Variants in TENT2 observed in about 807,000 individuals in gnomAD.
The protein encoded by TENT2 is terminal nucleotidyltransferase 2.
A neutral mutation model predicts 72.2 loss-of-function variants in TENT2; 44 were observed. That is an observed-to-expected ratio of 0.61 (90% CI 0.48 to 0.78). TENT2 has a LOEUF of 0.78. Among genes scored for constraint, TENT2 ranks in the 30% least tolerant of loss-of-function variants. The pLI is 0.00. For missense variants in TENT2, 541 were observed against 569.6 expected, an observed-to-expected ratio of 0.95 and a Z score of 0.51; for synonymous variants, 212 against 192.5, an observed-to-expected ratio of 1.10 and a Z score of -0.84.
chr5:79,639,901 A>C (rs1033147367), intron 4 of TENT2, among the ~76,000 whole-genome samples: 1 of 152,212 alleles, frequency 6.6e-6, no homozygotes, highest in African/African-American at 2.4e-5. Flanking sequence ...AGATAGGGAA[A>C]TCACCTATGT....
At chr5:79,661,571 T>G (rs1023412251) in intron 11 of TENT2, among the ~76,000 whole-genome samples, 1 of 152,220 alleles carries the variant, frequency 6.6e-6, no homozygotes, top group African/African-American at 2.4e-5. Flanking sequence ...AAGTTACACT[T>G]ACACTATCAT....
intron 12 of TENT2, among the ~76,000 whole-genome samples, chr5:79,673,279 T>C (rs920687527): frequency 6.6e-6 from 1 of 152,228 alleles, no homozygotes; most frequent in African/African-American, 2.4e-5. Flanking sequence ...TCCTTTGCTA[T>C]GCAGAAGCTT....
At chr5:79,656,906 T>G in intron 10 of TENT2, 52 bp from the exon 11 acceptor site, 1 of 1,403,986 alleles carries the variant, frequency 7.1e-7, no homozygotes, top group Non-Finnish European at 9.9e-7. Flanking sequence ...ATTATTGCAT[T>G]GTAAAATGAG....
rs1801585229 is a variant in TENT2 at position 79,660,071 on chromosome 5, T to C, written c.1071+3070T>C. 7.9e-5 allele frequency among the ~76,000 whole-genome samples: 12 copies of C among 152,266 alleles called. No individual in the cohort carries two copies. The South Asian group carries it at 2.5e-3, about 32-fold the overall frequency. On this transcript the variant is annotated intron_variant, in intron 11 of 14. Coordinates refer to ENST00000453514, the MANE Select transcript of TENT2 (RefSeq NM_001114394.3). ...AAGAGAAAACAGTTTTGGAATGGAA[T>C]AAATTTGTTCAGTATACTATGCTTT...
intron 11 of TENT2, among the ~76,000 whole-genome samples, chr5:79,667,098 T>G (rs549037607): frequency 6.6e-6 from 1 of 152,326 alleles, no homozygotes; most frequent in Non-Finnish European, 1.5e-5. Flanking sequence ...CTCACGACTC[T>G]TCAGTTCTTA....
chr5:79,656,029 A>G (rs1470238738), intron 10 of TENT2, among the ~76,000 whole-genome samples: 1 of 151,918 alleles, frequency 6.6e-6, no homozygotes. Flanking sequence ...AAGTGAATTA[A>G]TATGCTTTGT....
intron 1 of TENT2, among the ~76,000 whole-genome samples, chr5:79,617,908 A>G (rs996157589): frequency 6.6e-6 from 1 of 152,172 alleles, no homozygotes; most frequent in Non-Finnish European, 1.5e-5. Flanking sequence ...TCAATATAAT[A>G]TACCTTGACA....
At chr5:79,663,936 G>T (rs566412880) in intron 11 of TENT2, among the ~76,000 whole-genome samples, 1 of 152,020 alleles carries the variant, frequency 6.6e-6, no homozygotes, top group Non-Finnish European at 1.5e-5. Context: ...CTGTATGTGG[G>T]TTATGCATCC....
intron 10 of TENT2, among the ~76,000 whole-genome samples, chr5:79,650,046 A>C (rs16876996): frequency 0.081 from 12,372 of 152,152 alleles, 827 homozygotes; most frequent in Admixed American, 0.17. Flanking sequence ...ATGTGGTGAC[A>C]TGAAGACCGA....
intron 4 of TENT2, among the ~76,000 whole-genome samples, chr5:79,636,798 C>T (rs1780477268): frequency 6.6e-6 from 1 of 152,056 alleles, no homozygotes; most frequent in African/African-American, 2.4e-5. Flanking sequence ...TATACAAATC[C>T]TGCACATCTC....
At chr5:79,617,197 T>G (rs1192253204) in intron 1 of TENT2, among the ~76,000 whole-genome samples, 1 of 151,382 alleles carries the variant, frequency 6.6e-6, no homozygotes, top group African/African-American at 2.4e-5. Context: ...AAAATGAGAA[T>G]TTAGCACTTT....
chr5:79,650,099 G>C (rs944303286), intron 10 of TENT2, among the ~76,000 whole-genome samples: 7 of 152,082 alleles, frequency 4.6e-5, no homozygotes, highest in African/African-American at 1.7e-4. Context: ...CGTTTGCCAG[G>C]ATGTCTGGGG....
intron 10 of TENT2, among the ~76,000 whole-genome samples, chr5:79,655,987 T>G (rs1338374310): frequency 6.6e-6 from 1 of 151,910 alleles, no homozygotes; most frequent in Non-Finnish European, 1.5e-5. Flanking sequence ...TCAGAAGTCA[T>G]TTTTTAAAGT....
chr5:79,633,655 A>G lies in TENT2; in HGVS notation c.466-7196A>G, dbSNP rs1777500690. ...GGTCTCGAACTGCCAACCTCAGGTGATCCACCCACCTTAGTCTCCCAAAGT... is the reference window on the plus strand; with the variant it reads ...GGTCTCGAACTGCCAACCTCAGGTGGTCCACCCACCTTAGTCTCCCAAAGT... On this transcript the variant is annotated intron_variant, in intron 4 of 14. Transcript: ENST00000453514. Among the ~76,000 whole-genome samples the G allele has an allele frequency of 2.0e-5, 3 of 150,052 alleles. No homozygotes were observed. In the South Asian group the frequency reaches 6.3e-4, roughly 32 times the overall value.
chr5:79,661,417 C>G (rs1023398736), intron 11 of TENT2, among the ~76,000 whole-genome samples: 1 of 152,132 alleles, frequency 6.6e-6, no homozygotes, highest in Non-Finnish European at 1.5e-5. Flanking sequence ...CATTGTGTTA[C>G]AGTTGCCTAC....
chr5:79,620,046 A>G lies in TENT2; in HGVS notation c.190A>G (p.Ile64Val), dbSNP rs766253056. The G allele has an allele frequency of 8.7e-6, 14 of 1,611,896 alleles. No individual in the cohort carries two copies. In the Middle Eastern group the frequency reaches 5.0e-4, roughly 58 times the overall value. ...QQLTYGNVSP[I>V]QTSASPLFRG... is the part of the protein sequence containing the mutation. Reference sequence around the variant, plus strand: ...GCTGACATATGGAAATGTCAGTCCAATACAGACCTCAGCTTCCCCATTATT... The same window carrying G: ...GCTGACATATGGAAATGTCAGTCCAGTACAGACCTCAGCTTCCCCATTATT... Residue 64 changes from isoleucine to valine, a missense_variant, in exon 3 of 15, where the codon ATA becomes GTA. Physicochemically the swap from Ile to Val is conservative, Grantham distance 29 (BLOSUM62 3). Coordinates refer to ENST00000453514, the MANE Select transcript of TENT2 (RefSeq NM_001114394.3).
chr5:79,656,294 GTGA>G (rs1797931097), intron 10 of TENT2, among the ~76,000 whole-genome samples: 1 of 151,850 alleles, frequency 6.6e-6, no homozygotes, highest in African/African-American at 2.4e-5. Context: ...CACAAATATG[GTGA>G]TAACATGAGG....
At chr5:79,684,422 A>G (rs1168388284) in intron 14 of TENT2, among the ~76,000 whole-genome samples, 3 of 151,854 alleles carry the variant, frequency 2.0e-5, no homozygotes, top group Non-Finnish European at 4.4e-5. Flanking sequence ...TACCCAGCCA[A>G]TTTTTGTATT....
intron 4 of TENT2, among the ~76,000 whole-genome samples, chr5:79,626,834 C>T (rs1770489761): frequency 6.6e-6 from 1 of 151,690 alleles, no homozygotes. Context: ...TTTGAATGAA[C>T]GTATAAGAAC....
Sources: gnomAD v4.1 joint callset for allele counts (sites outside exome capture counted in the v4.1 genomes callset) on GRCh38, gnomAD v4.1.1 for gene constraint, MANE v1.5 for transcripts, NCBI Gene and HGNC (gene_info 2026-07-23, HGNC 2026-07-21) for gene names.